RNMT: variants seen among roughly 807,000 people sequenced by gnomAD.
RNMT encodes mRNA cap guanine-N(7) methyltransferase.
A neutral mutation model predicts 56.0 loss-of-function variants in RNMT; 27 were observed. The observed-to-expected ratio is 0.48, with a 90% CI of 0.36 to 0.67. RNMT has a LOEUF of 0.67. RNMT is among the 30% of genes least tolerant of loss of function. The pLI, the probability that RNMT is intolerant of heterozygous loss-of-function variation, is 0.00. For synonymous variants in RNMT, 184 were observed against 176.2 expected, an observed-to-expected ratio of 1.04 and a Z score of -0.35; for missense variants, 519 against 552.1, an observed-to-expected ratio of 0.94 and a Z score of 0.60.
chr18:13,729,995 G>A (rs1000960071), intron 1 of RNMT, among the ~76,000 whole-genome samples: 1 of 152,048 alleles, frequency 6.6e-6, no homozygotes, highest in African/African-American at 2.4e-5. Context: ...TTGCCATGTT[G>A]CCCAACCTGG....
chr18:13,759,821 G>A (rs4797813), intron 11 of RNMT, 121 bp from the exon 12 acceptor site: 1 of 734,516 alleles, frequency 1.4e-6, no homozygotes, highest in Non-Finnish European at 2.3e-6. Context: ...AATTAATGGG[G>A]ATTTTCCTCT....
chr18:13,733,189 A>T (rs2044102567), intron 3 of RNMT, among the ~76,000 whole-genome samples: 1 of 152,150 alleles, frequency 6.6e-6, no homozygotes. Context: ...GCCTTTCAGC[A>T]CATCAGTGAG....
intron 5 of RNMT, 87 bp downstream of exon 5, chr18:13,737,222 G>T: frequency 8.1e-7 from 1 of 1,235,164 alleles, no homozygotes; most frequent in South Asian, 1.5e-5. Flanking sequence ...CAAGATATCT[G>T]GGACTATGCA....
chr18:13,731,522 C>A lies in RNMT; in HGVS notation c.5C>A (p.Ala2Glu). 1.3e-6 allele frequency: 2 copies of A among 1,583,944 alleles called. No individual in the cohort carries two copies. Among genetic ancestry groups the A allele is most frequent in the Non-Finnish European group, 1.7e-6 (2 of 1,167,586 alleles). ...CATCAATTCAAGTAATCATAAATGG[C>A]AAATTCTGCAAAAGCAGAAGAATAT... M[A>E]NSAKAEEYEK... is the part of the protein sequence containing the mutation. The change falls in exon 3 of 12, where the codon GCA becomes GAA. Residue 2 changes from alanine to glutamate, a missense_variant. Ala to Glu is a moderately radical substitution (Grantham distance 107). Transcript: ENST00000383314.
At chr18:13,739,997 T>C (rs1463970993) in intron 5 of RNMT, among the ~76,000 whole-genome samples, 170 bp from the exon 6 acceptor site, 5 of 152,194 alleles carry the variant, frequency 3.3e-5, no homozygotes, top group Admixed American at 2.6e-4. Flanking sequence ...TCTTGAAAAC[T>C]GATAGGGTAT....
At position 13,761,944 on chromosome 18, in the gene RNMT, C is replaced by A. The variant is rs1241960389; in HGVS notation, c.*1965C>A. ...TAGGAAGAGGACTAGAAAAGGCTTC[C>A]CCTGCCTATCCTCTCCGATCACCAA... On this transcript the variant is annotated 3_prime_UTR_variant, in exon 12 of 12. Transcript: ENST00000383314. 7.0e-7 allele frequency: 1 copy of A among 1,433,012 alleles called. No homozygotes were observed. The highest frequency in any genetic ancestry group is 2.2e-5 in the Admixed American group (1 of 45,052). The allele number at this position is 1,433,012 out of a possible 1,614,324, so 88.8% of individuals were successfully genotyped here. A position where few individuals can be genotyped will look rare whatever the true frequency, so the allele number is the denominator to read the frequency against.
chr18:13,750,649 A>T (rs944842850), intron 9 of RNMT, among the ~76,000 whole-genome samples: 2 of 152,144 alleles, frequency 1.3e-5, no homozygotes, highest in Non-Finnish European at 2.9e-5. Context: ...AAAAATTTTT[A>T]AAAATTAGCC....
rs1436309196 is a variant in RNMT, at chr18:13,746,253, CA to C, written c.1180del (p.Thr394HisfsTer19). ...AGAAGTACAATATGAAACTAGTCTA[CA>C]AAAAAACATTTCTGGAATTCTACGA... Reference protein sequence around the residue: ...AKKYNMKLVYKKTFLEFYEEK... With the variant: ...AKKYNMKLVYXKTFLEFYEEK... On this transcript the variant is annotated frameshift_variant, in exon 9 of 12. Transcript: ENST00000383314. LOFTEE classifies it high-confidence loss of function. 4 of 1,559,444 alleles carry C rather than the reference CA, an allele frequency of 2.6e-6. No individual in the cohort carries two copies. The highest frequency in any genetic ancestry group is 3.5e-6 in the Non-Finnish European group (4 of 1,141,626).
At position 13,761,080 on chromosome 18, in the gene RNMT, A is replaced by T. The variant is rs187321515; in HGVS notation, c.*1101A>T. The stretch of plus-strand genomic sequence containing the variant: ...GTATTCTTTTTTAAATTATTAAGCC[A>T]TGATTTACAAAAACATTACTTTCTG... On this transcript the variant is annotated 3_prime_UTR_variant, in exon 12 of 12. Coordinates refer to ENST00000383314, the MANE Select transcript of RNMT (RefSeq NM_003799.3). 1 of 985,144 alleles carries T rather than the reference A, an allele frequency of 1.0e-6. No individual in the cohort carries two copies. The highest frequency in any genetic ancestry group is 1.7e-5 in the African/African-American group (1 of 57,254). The allele number at this position is 985,144 out of a possible 1,614,324, so 61.0% of individuals were successfully genotyped here.
rs774175393 is a variant in RNMT at position 13,741,608 on chromosome 18, T to C, written c.891T>C (p.Ala297=). Residue 297 remains alanine, a synonymous_variant, in exon 7 of 12, where the codon GCT becomes GCC. Transcript: ENST00000383314. Reference sequence around the variant, plus strand: ...ACTCATTTGAGTCTTATGAGCAGGCTGACATGATGCTGAGAAATGCGTGTG... The same window carrying C: ...ACTCATTTGAGTCTTATGAGCAGGCCGACATGATGCTGAGAAATGCGTGTG... ...CHYSFESYEQ[A]DMMLRNACER... is the part of the protein sequence containing the mutation. The C allele has an allele frequency of 5.6e-6, 9 of 1,614,026 alleles. No individual in the cohort carries two copies. In the East Asian group the frequency reaches 2.0e-4, roughly 36 times the overall value.
In RNMT at chr18:13,734,449, C is replaced by T. The variant is rs1223973709; in HGVS notation, c.418-15C>T. ...TTCTGATCCTTGATTTTTTTCTATT[C>T]TCTTTTATTTTCAGAATCTGGAAGA... On this transcript the variant is annotated splice_polypyrimidine_tract_variant and intron_variant, in intron 3 of 11. Transcript: ENST00000383314. 3.8e-6 allele frequency: 6 copies of T among 1,582,224 alleles called. No individual in the cohort carries two copies. The highest frequency in any genetic ancestry group is 3.7e-5 in the Admixed American group (2 of 53,612).
At chr18:13,728,604 G>A (rs1189928287) in intron 1 of RNMT, among the ~76,000 whole-genome samples, 1 of 151,888 alleles carries the variant, frequency 6.6e-6, no homozygotes, top group Non-Finnish European at 1.5e-5. Context: ...CCAAAGTGCT[G>A]GGATTACAGG....
chr18:13,740,064 G>T, intron 5 of RNMT, 103 bp from the exon 6 acceptor site: 1 of 699,480 alleles, frequency 1.4e-6, no homozygotes, highest in Non-Finnish European at 2.5e-6. Flanking sequence ...CCTTTTCACT[G>T]GTACTAAGGC....
At chr18:13,730,925 G>T in intron 2 of RNMT, among the ~76,000 whole-genome samples, 170 bp downstream of exon 2, 1 of 152,230 alleles carries the variant, frequency 6.6e-6, no homozygotes, top group Non-Finnish European at 1.5e-5. Flanking sequence ...ACTAGTGCAT[G>T]TGTATCGCCA....
chr18:13,728,829 G>C (rs1025494507), intron 1 of RNMT, among the ~76,000 whole-genome samples: 4 of 152,004 alleles, frequency 2.6e-5, no homozygotes, highest in Non-Finnish European at 5.9e-5. Context: ...TAGTAGGATT[G>C]CTTCTTTTTT....
chr18:13,730,519 T>A (rs1236870205), intron 1 of RNMT, 108 bp from the exon 2 acceptor site: 1 of 152,226 alleles, frequency 6.6e-6, no homozygotes, highest in Admixed American at 6.5e-5. Flanking sequence ...TTAAAAGTAT[T>A]TATGGTCTAA....
In RNMT at chr18:13,751,443, C is replaced by T. The variant is rs1453332635; in HGVS notation, c.1258-883C>T. On this transcript the variant is annotated intron_variant, in intron 9 of 11. Transcript: ENST00000383314. Reference sequence around the variant, plus strand: ...TACCATCTCACGCCAGTTAGAATGGCGATCATTAAAAATTCAGGAAACAAC... The same window carrying T: ...TACCATCTCACGCCAGTTAGAATGGTGATCATTAAAAATTCAGGAAACAAC... Among the ~76,000 whole-genome samples, 10 of 152,216 alleles carry T rather than the reference C, an allele frequency of 6.6e-5. No homozygotes were observed. In the East Asian group the frequency reaches 1.4e-3, roughly 21 times the overall value.
intron 10 of RNMT, among the ~76,000 whole-genome samples, chr18:13,753,806 A>G (rs1329612181): frequency 2.9e-5 from 3 of 103,760 alleles, no homozygotes. Context: ...AGATAGATGC[A>G]TTTTCCAGTT....
At chr18:13,742,971 GT>G (rs375539841) in intron 8 of RNMT, 1,255 of 143,352 alleles carry the variant, frequency 8.8e-3, no homozygotes, top group Middle Eastern at 0.021. Flanking sequence ...AATAGCAAAA[GT>G]TTTTTTTTTT....
Sources: allele counts gnomAD v4.1 joint callset (sites outside exome capture counted in the v4.1 genomes callset), GRCh38; gene constraint gnomAD v4.1.1; transcripts MANE v1.5; gene names NCBI Gene and HGNC (gene_info 2026-07-23, HGNC 2026-07-21).